SPTBN2: variants seen among roughly 807,000 people sequenced by gnomAD.
The protein encoded by SPTBN2 is spectrin beta chain, non-erythrocytic 2.
SPTBN2 carries 107 observed loss-of-function variants against 284.2 expected under a neutral mutation model. That is an observed-to-expected ratio of 0.38 (90% confidence interval 0.32 to 0.44). The LOEUF is 0.44. Among genes scored for constraint, SPTBN2 ranks in the 20% least tolerant of loss-of-function variants. The pLI, the probability that SPTBN2 is intolerant of heterozygous loss-of-function variation, is 1.00. For synonymous variants in SPTBN2, 1,289 were observed against 1,354.8 expected, an observed-to-expected ratio of 0.95 and a Z score of 1.07; for missense variants, 2,569 against 3,287.1, an observed-to-expected ratio of 0.78 and a Z score of 5.34.
Position 66,686,852 on chromosome 11 carries a change from C to T in SPTBN2, c.6896+142G>A, listed in dbSNP as rs191230164. 4,176 of 1,133,552 alleles carry T rather than the reference C, an allele frequency of 3.7e-3. 18 individuals are homozygous for T. Among genetic ancestry groups the T allele is most frequent in the Non-Finnish European group, 4.9e-3 (3,717 of 765,866 alleles). 70.2% of individuals were successfully genotyped at this position (1,133,552 alleles called of 1,614,324 possible). A position where few individuals can be genotyped will look rare whatever the true frequency, so the allele number is the denominator to read the frequency against. On this transcript the variant is annotated intron_variant, in intron 36 of 37. Transcript: ENST00000533211. ...CAACCAGAATCTCCGCCTCCCTCAT[C>T]TACACTATCCCCAAGTGGCTGGCCT...
chr11:66,693,147 G>A lies in SPTBN2; in HGVS notation c.4854+39C>T, dbSNP rs776244988. Reference sequence around the variant, plus strand: ...TCCAGCATCAGGTCAGGGGAGGGCAGAACTGGTCACATACACTGGGCTCTG... The same window carrying A: ...TCCAGCATCAGGTCAGGGGAGGGCAAAACTGGTCACATACACTGGGCTCTG... On this transcript the variant is annotated intron_variant, in intron 24 of 37. Transcript: ENST00000533211. The surrounding 1 kb of genome is among the most constrained non-coding windows in gnomAD (Gnocchi z 5.7). The A allele has an allele frequency of 3.1e-6, 5 of 1,614,208 alleles. No individual in the cohort carries two copies. In the Admixed American group the frequency reaches 5.0e-5, roughly 16 times the overall value.
At chr11:66,696,597 T>C in intron 20 of SPTBN2, 57 bp from the exon 21 acceptor site, 1 of 1,603,522 alleles carries the variant, frequency 6.2e-7, no homozygotes, top group Non-Finnish European at 8.5e-7. Context: ...CTTTAGAGGC[T>C]GAGAGCAGAC....
In SPTBN2 at chr11:66,694,217, C is replaced by G. The variant is rs900557211; in HGVS notation, c.4425G>C (p.Gln1475His). 12 of 1,613,878 alleles carry G rather than the reference C, an allele frequency of 7.4e-6. No individual in the cohort carries two copies. In the African/African-American group the frequency reaches 1.2e-4, roughly 16 times the overall value. The change falls in exon 22 of 38, where the codon CAG (glutamine) becomes CAC (histidine). Residue 1475 changes from glutamine to histidine, a missense_variant. Around this residue, in one of 6 missense-constraint regions of SPTBN2, gnomAD observed 1,130 missense variants for 1,317.3 expected, o/e 0.86. Coordinates refer to ENST00000533211, the MANE Select transcript of SPTBN2 (RefSeq NM_006946.4). ...GGCGCCGGCAGCGTTCCCGCATGGG[C>G]TGGCACAAGGCCCTGAACTTCTCCT... ...AVEEKFRALC[Q>H]PMRERCRRLQ... is the part of the protein sequence containing the mutation.
chr11:66,686,037 T>C lies in SPTBN2; in HGVS notation c.7007A>G (p.Glu2336Gly). 6.2e-7 allele frequency: 1 copy of C among 1,613,596 alleles called. No homozygotes were observed. Among genetic ancestry groups the C allele is most frequent in the Non-Finnish European group, 8.5e-7 (1 of 1,179,870 alleles). The change falls in exon 38 of 38, where the codon GAG becomes GGG. Residue 2336 changes from glutamate to glycine, a missense_variant. By Grantham distance (98) the Glu-to-Gly change is moderately conservative. This residue lies in a region of SPTBN2 where 1,130 missense variants were observed against 1,317.3 expected (regional missense o/e 0.86). Transcript: ENST00000533211. Reference protein sequence around the residue: ...AIATASSASGEPEEPVVPSTT... With the variant: ...AIATASSASGGPEEPVVPSTT... ...GCTGGGCACCACCGGCTCTTCAGGC[T>C]CTCCAGAGGCAGAAGACGCTGTGGC...
chr11:66,740,910 GAC>G (rs981125483), intron 1 of SPTBN2, among the ~76,000 whole-genome samples: 1 of 152,144 alleles, frequency 6.6e-6, no homozygotes, highest in Non-Finnish European at 1.5e-5. Context: ...GTGTCTAGGA[GAC>G]ACAGAGAGGG....
rs750219209 is a variant in SPTBN2 at position 66,701,269 on chromosome 11, G to A, written c.2830C>T (p.Arg944Trp). 5.1e-5 allele frequency: 83 copies of A among 1,612,232 alleles called. No homozygotes were observed. The highest frequency in any genetic ancestry group is 2.0e-4 in the East Asian group (9 of 44,876). ...GCCTTCTTGCCGTCTGCCAGACGCC[G>A]AAACTGCTGCCACCTGAGAGCAGGG... is the stretch of plus-strand genomic sequence containing the variant. ...EQLNHRWQQF[R>W]RLADGKKAAL... Residue 944 changes from arginine (R) to tryptophan (W), a missense_variant, in exon 17 of 38, where the codon CGG (arginine) becomes TGG (tryptophan). Around this residue, in one of 6 missense-constraint regions of SPTBN2, gnomAD observed 1,012 missense variants for 1,248.9 expected, o/e 0.81. Transcript: ENST00000533211.
In SPTBN2 at chr11:66,718,123, C is replaced by G. The variant is rs562135922; in HGVS notation, c.158-2142G>C. On this transcript the variant is annotated intron_variant, in intron 3 of 37. Transcript: ENST00000533211. This position sits in a 1 kb window ranked among gnomAD's most constrained non-coding sequence, Gnocchi z 4.8. ...CTCAGAGGCACTGCTGGCGCCTCCC[C>G]AGGTGCTGGCACCCCCACGCCCTCC... 1.6e-3 allele frequency among the ~76,000 whole-genome samples: 244 copies of G among 152,318 alleles called. No individual in the cohort carries two copies. Among genetic ancestry groups the G allele is most frequent in the African/African-American group, 5.6e-3 (231 of 41,574 alleles).
rs747990252 is a variant in SPTBN2, at chr11:66,704,847, G to A, written c.2429C>T (p.Ala810Val). Residue 810 changes from alanine to valine, a missense_variant, in exon 15 of 38, where the codon GCA (alanine) becomes GTA (valine). Coordinates refer to ENST00000533211, the MANE Select transcript of SPTBN2 (RefSeq NM_006946.4). ...GCTCAGTGTGGGGGGCAGGGCTGCTGCCTGTTCCCTCAAGGCGTCCAGGGT... is the reference window on the plus strand; with the variant it reads ...GCTCAGTGTGGGGGGCAGGGCTGCTACCTGTTCCCTCAAGGCGTCCAGGGT... The part of the protein sequence containing the change: ...RPTLDALREQ[A>V]AALPPTLSRT... 1.9e-6 allele frequency: 3 copies of A among 1,609,180 alleles called. No individual in the cohort carries two copies. Among genetic ancestry groups the A allele is most frequent in the Non-Finnish European group, 8.5e-7 (1 of 1,179,826 alleles).
chr11:66,715,351 G>C lies in SPTBN2; in HGVS notation c.354C>G (p.Asn118Lys). The C allele has an allele frequency of 6.2e-7, 1 of 1,614,184 alleles. No homozygotes were observed. Among genetic ancestry groups the C allele is most frequent in the Non-Finnish European group, 8.5e-7 (1 of 1,180,008 alleles). The stretch of plus-strand genomic sequence containing the variant: ...TGAGGAACTGCAGTGCCTTGTCCAC[G>C]TTCTCCAGGCAGTGGATCCGCATGC... ...KGRMRIHCLE[N>K]VDKALQFLKE... Residue 118 changes from asparagine to lysine, a missense_variant, in exon 5 of 38, where the codon AAC becomes AAG. Asn to Lys is a moderately conservative substitution (Grantham distance 94). Coordinates refer to ENST00000533211, the MANE Select transcript of SPTBN2 (RefSeq NM_006946.4). This position sits in a 1 kb window ranked among gnomAD's most constrained non-coding sequence, Gnocchi z 5.3.
Position 66,688,745 on chromosome 11 carries a change from C to T in SPTBN2, c.6139G>A (p.Glu2047Lys), listed in dbSNP as rs201985455. ...RSAELGCTVDEVESLIKRHEA... is the reference protein window; with the variant it reads ...RSAELGCTVDKVESLIKRHEA... ...TGCCGCTTGATGAGGCTCTCAACTT[C>T]GTCGACCGTGCAACCCAGCTCAGCG... is the stretch of plus-strand genomic sequence containing the variant. Residue 2047 changes from glutamate (E) to lysine (K), a missense_variant, in exon 31 of 38, where the codon GAA (glutamate) becomes AAA (lysine). Glu to Lys is a moderately conservative substitution (Grantham distance 56). Transcript: ENST00000533211. The T allele has an allele frequency of 5.0e-5, 81 of 1,613,536 alleles. No individual in the cohort carries two copies. The highest frequency in any genetic ancestry group is 6.7e-5 in the East Asian group (3 of 44,886).
chr11:66,737,714 GGTGAAGTACGTCA>G (rs1161325548), intron 1 of SPTBN2, among the ~76,000 whole-genome samples: 2 of 152,144 alleles, frequency 1.3e-5, no homozygotes, highest in African/African-American at 4.8e-5. Context: ...GAAATAGAGA[GGTGAAGTACGTCA>G]GTGTTTCCCA....
intron 10 of SPTBN2, 33 bp from the exon 11 acceptor site, chr11:66,709,052 A>C: frequency 6.3e-7 from 1 of 1,575,842 alleles, no homozygotes. Flanking sequence ...GGTCAGAATT[A>C]AAGCCCACGA....
At chr11:66,725,727 C>T (rs1403791099) in intron 1 of SPTBN2, among the ~76,000 whole-genome samples, 2 of 152,222 alleles carry the variant, frequency 1.3e-5, no homozygotes, top group Non-Finnish European at 2.9e-5. Flanking sequence ...TGCCAACCCC[C>T]GCCGGCTGCA....
chr11:66,687,998 G>A lies in SPTBN2; in HGVS notation c.6450+6C>T, dbSNP rs758553450. ...CGATGGGGGCACAGAGGGACAGTGG[G>A]GTCACCTGTGAGGGCTCTCCATCTG... is the stretch of plus-strand genomic sequence containing the variant. On this transcript the variant is annotated splice_donor_region_variant and intron_variant, in intron 33 of 37. Coordinates refer to ENST00000533211, the MANE Select transcript of SPTBN2 (RefSeq NM_006946.4). The surrounding 1 kb of genome is among the most constrained non-coding windows in gnomAD (Gnocchi z 5.2). The A allele has an allele frequency of 8.7e-6, 14 of 1,614,196 alleles. No homozygotes were observed. The Admixed American group carries it at 2.3e-4, about 27-fold the overall frequency.
chr11:66,738,853 C>G (rs969943210), intron 1 of SPTBN2, among the ~76,000 whole-genome samples: 1 of 149,392 alleles, frequency 6.7e-6, no homozygotes, highest in South Asian at 2.1e-4. Flanking sequence ...ACTCTGTTGC[C>G]CAGGCTGGAG....
upstream of SPTBN2, among the ~76,000 whole-genome samples, chr11:66,733,171 A>G (rs575179180): frequency 2.7e-4 from 41 of 152,222 alleles, no homozygotes; most frequent in African/African-American, 9.2e-4. Context: ...AGACTATTGA[A>G]AGGTTGAAAT....
intron 13 of SPTBN2, among the ~76,000 whole-genome samples, chr11:66,706,924 G>T (rs769054686): frequency 9.9e-5 from 15 of 152,232 alleles, no homozygotes; most frequent in Non-Finnish European, 1.9e-4. Context: ...GAGCCACTGC[G>T]CCTGGCCCCT....
rs116099040 is a variant in SPTBN2, at chr11:66,705,834, G to A, written c.1657C>T (p.Arg553Trp). The change falls in exon 14 of 38, where the codon CGG becomes TGG. Residue 553 changes from arginine to tryptophan, a missense_variant. Around this residue, in one of 6 missense-constraint regions of SPTBN2, gnomAD observed 1,012 missense variants for 1,248.9 expected, o/e 0.81. Coordinates refer to ENST00000533211, the MANE Select transcript of SPTBN2 (RefSeq NM_006946.4). ...LMDWMEEMKG[R>W]LQSQDLGRHL... ...CTGCCCAGGTCCTGAGACTGCAGCC[G>A]GCCCTGCCAGGCACACATGAAGTGC... is the stretch of plus-strand genomic sequence containing the variant. 220 of 1,611,982 alleles carry A rather than the reference G, an allele frequency of 1.4e-4. No individual in the cohort carries two copies. The African/African-American group carries it at 2.1e-3, about 15-fold the overall frequency.
At chr11:66,727,727 G>A (rs1435513474) in intron 1 of SPTBN2, among the ~76,000 whole-genome samples, 1 of 151,978 alleles carries the variant, frequency 6.6e-6, no homozygotes, top group Non-Finnish European at 1.5e-5. Context: ...AGGAGCCCAC[G>A]CGGCTCCGGG....
Sources: allele counts gnomAD v4.1 joint callset (sites outside exome capture counted in the v4.1 genomes callset), GRCh38; gene constraint gnomAD v4.1.1; regional missense constraint gnomAD v4.1.1; non-coding constraint Gnocchi (gnomAD v3.1); transcripts MANE v1.5; gene names NCBI Gene and HGNC (gene_info 2026-07-23, HGNC 2026-07-21).